Variants in CNKSR3 observed in about 807,000 individuals in gnomAD.
CNKSR3 encodes connector enhancer of kinase suppressor of ras 3.
A neutral mutation model predicts 67.7 loss-of-function variants in CNKSR3; 36 were observed. That is an observed-to-expected ratio of 0.53 (90% CI 0.41 to 0.70). CNKSR3 has a LOEUF of 0.70. Ranked by LOEUF, CNKSR3 falls within the 30% of genes least tolerant of loss-of-function variation. The pLI, the probability that CNKSR3 is intolerant of heterozygous loss-of-function variation, is 0.00. For missense variants in CNKSR3, 630 were observed against 695.2 expected (o/e 0.91, Z 1.05); for synonymous variants, 281 against 271.4 (o/e 1.04, Z -0.35).
At chr6:154,486,975 CCT>C (rs1250226607) in intron 1 of CNKSR3, among the ~76,000 whole-genome samples, 1 of 152,014 alleles carries the variant, frequency 6.6e-6, no homozygotes, top group Non-Finnish European at 1.5e-5. Flanking sequence ...CCAGCCTTCT[CCT>C]CTTTTTTTGC....
intron 9 of CNKSR3, among the ~76,000 whole-genome samples, chr6:154,419,234 AGG>A (rs2128713234): frequency 6.6e-6 from 1 of 152,208 alleles, no homozygotes; most frequent in African/African-American, 2.4e-5. Flanking sequence ...TTGTAGAGAC[AGG>A]ATCTTGCTTT....
chr6:154,494,500 T>C (rs907150476), intron 1 of CNKSR3, among the ~76,000 whole-genome samples: 3 of 152,244 alleles, frequency 2.0e-5, no homozygotes, highest in African/African-American at 7.2e-5. Context: ...TTAATAGAAC[T>C]GTCAAGGAAA....
At chr6:154,489,112 G>A (rs1454789398) in intron 1 of CNKSR3, among the ~76,000 whole-genome samples, 1 of 152,014 alleles carries the variant, frequency 6.6e-6, no homozygotes, top group Non-Finnish European at 1.5e-5. Flanking sequence ...GTTCTTACAG[G>A]GTTCAGGAAC....
intron 1 of CNKSR3, among the ~76,000 whole-genome samples, chr6:154,482,645 T>C (rs1001721843): frequency 6.6e-6 from 1 of 152,108 alleles, no homozygotes; most frequent in African/African-American, 2.4e-5. Context: ...AGAATAAACA[T>C]GTATGCAAAT....
In CNKSR3 at chr6:154,452,026, A is replaced by T. The variant is rs562785178; in HGVS notation, c.53-1768T>A. Among the ~76,000 whole-genome samples the T allele has an allele frequency of 1.3e-4, 20 of 152,300 alleles. 1 individual carries two copies. The South Asian group carries it at 4.1e-3, about 32-fold the overall frequency. ...GACCAACACCCTACCTGGGCTGCAAATGCAACCTCAGCACCAGGACACTCA... is the reference window on the plus strand; with the variant it reads ...GACCAACACCCTACCTGGGCTGCAATTGCAACCTCAGCACCAGGACACTCA... On this transcript the variant is annotated intron_variant, in intron 1 of 12. Transcript: ENST00000607772.
intron 1 of CNKSR3, among the ~76,000 whole-genome samples, chr6:154,470,549 T>C (rs1259493839): frequency 6.6e-6 from 1 of 152,220 alleles, no homozygotes; most frequent in Non-Finnish European, 1.5e-5. Context: ...TGCAACCTTT[T>C]ATCTTTGTCT....
intron 9 of CNKSR3, among the ~76,000 whole-genome samples, chr6:154,420,792 A>G (rs13214786): frequency 0.31 from 46,362 of 151,832 alleles, 7,660 homozygotes; most frequent in Non-Finnish European, 0.38. Context: ...CAAATAAATG[A>G]TAAGTATGTG....
intron 7 of CNKSR3, among the ~76,000 whole-genome samples, chr6:154,424,272 G>A (rs1166208503): frequency 2.0e-5 from 3 of 151,774 alleles, no homozygotes; most frequent in Non-Finnish European, 2.9e-5. Flanking sequence ...AAATATAAAG[G>A]GATATAATCC....
At chr6:154,495,999 C>G (rs58293476) in intron 1 of CNKSR3, among the ~76,000 whole-genome samples, 20,014 of 152,064 alleles carry the variant, frequency 0.13, 1,561 homozygotes, top group African/African-American at 0.22. Flanking sequence ...AACAAACTCC[C>G]TAAAAGTCAA....
intron 1 of CNKSR3, among the ~76,000 whole-genome samples, chr6:154,491,692 GA>G (rs1786787488): frequency 6.6e-6 from 1 of 151,906 alleles, no homozygotes; most frequent in Non-Finnish European, 1.5e-5. Flanking sequence ...AAAAAATGAA[GA>G]GATAATTTCT....
intron 1 of CNKSR3, among the ~76,000 whole-genome samples, chr6:154,475,676 C>G (rs1786430894): frequency 6.6e-6 from 1 of 152,190 alleles, no homozygotes; most frequent in Admixed American, 6.5e-5. Context: ...GGAGGACTCC[C>G]CAGCCCTAGG....
intron 1 of CNKSR3, among the ~76,000 whole-genome samples, chr6:154,469,181 T>G (rs748612675): frequency 7.9e-5 from 12 of 152,230 alleles, no homozygotes; most frequent in Non-Finnish European, 1.8e-4. Context: ...ATAAGCAAGT[T>G]AATCTGGCAA....
chr6:154,432,508 G>C (rs1180468102), intron 5 of CNKSR3, among the ~76,000 whole-genome samples: 1 of 152,108 alleles, frequency 6.6e-6, no homozygotes, highest in Admixed American at 6.5e-5. Flanking sequence ...TCACATAGCA[G>C]TTTTTAATTT....
rs552525434 is a variant in CNKSR3 at position 154,406,617 on chromosome 6, G to C, written c.1405C>G (p.Arg469Gly). 1 of 1,613,724 alleles carries C rather than the reference G, an allele frequency of 6.2e-7. No individual in the cohort carries two copies. Among genetic ancestry groups the C allele is most frequent in the South Asian group, 1.1e-5 (1 of 91,066 alleles). Residue 469 changes from arginine (R) to glycine (G), a missense_variant, in exon 13 of 13, where the codon CGG becomes GGG. Transcript: ENST00000607772. ...CTCTCTTCAATGATCGGAGGAATCC[G>C]CTCGTTACTGAAATACCGGCAAAGG... Reference protein sequence around the residue: ...DALCRYFSNERIPPIIEESSS... With the variant: ...DALCRYFSNEGIPPIIEESSS...
intron 1 of CNKSR3, among the ~76,000 whole-genome samples, chr6:154,503,387 A>T (rs1787036208): frequency 6.6e-6 from 1 of 152,118 alleles, no homozygotes; most frequent in Non-Finnish European, 1.5e-5. Context: ...ACACTTTGGG[A>T]GACCGAGCCG....
chr6:154,487,570 C>T (rs971379282), intron 1 of CNKSR3, among the ~76,000 whole-genome samples: 16 of 152,200 alleles, frequency 1.1e-4, no homozygotes, highest in East Asian at 3.8e-4. Flanking sequence ...GAATGAGGAA[C>T]GGCCCACCCA....
chr6:154,420,801 T>C (rs1159354567), intron 9 of CNKSR3, among the ~76,000 whole-genome samples: 2 of 151,912 alleles, frequency 1.3e-5, no homozygotes, highest in Non-Finnish European at 2.9e-5. Context: ...GATAAGTATG[T>C]GAGGTAATAA....
At chr6:154,460,172 T>G (rs1045396873) in intron 1 of CNKSR3, among the ~76,000 whole-genome samples, 15 of 152,150 alleles carry the variant, frequency 9.9e-5, no homozygotes, top group Admixed American at 2.6e-4. Context: ...AGGGAGAAGT[T>G]TATGCTGATC....
chr6:154,461,756 G>C (rs530885712), intron 1 of CNKSR3, among the ~76,000 whole-genome samples: 2 of 152,230 alleles, frequency 1.3e-5, no homozygotes, highest in Non-Finnish European at 2.9e-5. Flanking sequence ...CTGGGGCTCA[G>C]CTTATAAGTA....
Sources: allele counts gnomAD v4.1 joint callset (sites outside exome capture counted in the v4.1 genomes callset), GRCh38; gene constraint gnomAD v4.1.1; transcripts MANE v1.5; gene names NCBI Gene and HGNC (gene_info 2026-07-23, HGNC 2026-07-21).